PDE4D: variants seen among roughly 807,000 people sequenced by gnomAD.
PDE4D encodes phosphodiesterase 4D.
Under a neutral mutation model 87.4 loss-of-function variants are expected in PDE4D, and 24 were observed. The observed-to-expected ratio is 0.27, with a 90% CI of 0.20 to 0.39. The LOEUF is 0.39. PDE4D is among the 10% of genes least tolerant of loss of function. The pLI, the probability that PDE4D is intolerant of heterozygous loss-of-function variation, is 1.00. For missense variants in PDE4D, 714 were observed against 1,041.0 expected (o/e 0.69, Z 4.32); for synonymous variants, 384 against 383.2 (o/e 1.00, Z -0.02).
chr5:59,772,839 T>C (rs749374205), intron 1 of PDE4D, among the ~76,000 whole-genome samples: 6 of 152,212 alleles, frequency 3.9e-5, no homozygotes, highest in Non-Finnish European at 5.9e-5. Flanking sequence ...GTCTACTGGA[T>C]AAGAAGGTAT....
At chr5:59,194,373 C>T (rs999807841) in intron 2 of PDE4D, among the ~76,000 whole-genome samples, 2 of 152,266 alleles carry the variant, frequency 1.3e-5, no homozygotes, top group African/African-American at 4.8e-5. Context: ...TGTTATTCAA[C>T]ACAGACAGCT....
chr5:60,080,340 A>G (rs371018441), intron 2 of PDE4D, among the ~76,000 whole-genome samples: 1 of 152,232 alleles, frequency 6.6e-6, no homozygotes, highest in East Asian at 1.9e-4. Context: ...AGACAATTTG[A>G]CTTTCTCTCT....
chr5:59,124,506 C>T (rs1775078405), intron 5 of PDE4D, among the ~76,000 whole-genome samples: 1 of 152,180 alleles, frequency 6.6e-6, no homozygotes, highest in Admixed American at 6.5e-5. Context: ...TACCTAGCCT[C>T]CCTCTTTGAG....
chr5:60,298,803 A>G (rs1316310151), intron 1 of PDE4D, among the ~76,000 whole-genome samples: 1 of 152,218 alleles, frequency 6.6e-6, no homozygotes, highest in Non-Finnish European at 1.5e-5. Flanking sequence ...AGTGGCATAA[A>G]AGAAATTCTT....
intron 1 of PDE4D, among the ~76,000 whole-genome samples, chr5:59,644,317 A>T (rs1742104183): frequency 6.6e-6 from 1 of 152,170 alleles, no homozygotes; most frequent in Admixed American, 6.5e-5. Context: ...TGGATTATTG[A>T]TCTACAGTTA....
In PDE4D at chr5:59,544,183, A is replaced by C. The variant is rs116480127; in HGVS notation, c.456-328215T>G. Among the ~76,000 whole-genome samples, 50 of 152,298 alleles carry C rather than the reference A, an allele frequency of 3.3e-4. 1 individual carries two copies. The highest frequency in any genetic ancestry group is 1.2e-3 in the African/African-American group (49 of 41,566). On this transcript the variant is annotated intron_variant, in intron 1 of 14. Transcript: ENST00000340635. The stretch of plus-strand genomic sequence containing the variant: ...GCAAGGAAAACTAGGTACAAGGAAA[A>C]GGCAACTGGCAACACATTCCTGGAT...
At chr5:60,469,506 C>T (rs1462995317) in intron 1 of PDE4D, among the ~76,000 whole-genome samples, 1 of 152,166 alleles carries the variant, frequency 6.6e-6, no homozygotes, top group Non-Finnish European at 1.5e-5. Context: ...TGTTTTATTG[C>T]ACTTTGCTTT....
chr5:60,499,998 A>G (rs907802045), intron 1 of PDE4D, among the ~76,000 whole-genome samples: 26 of 152,020 alleles, frequency 1.7e-4, no homozygotes, highest in African/African-American at 5.8e-4. Context: ...TTTTTTCTCC[A>G]AATATGATCA....
intron 2 of PDE4D, among the ~76,000 whole-genome samples, chr5:60,049,371 A>G (rs192880131): frequency 9.2e-5 from 14 of 152,284 alleles, no homozygotes; most frequent in African/African-American, 3.4e-4. Flanking sequence ...CAGCTCATCA[A>G]AGTCATTCTC....
chr5:60,188,615 G>A (rs746395798), intron 1 of PDE4D, among the ~76,000 whole-genome samples: 4 of 152,060 alleles, frequency 2.6e-5, no homozygotes, highest in Non-Finnish European at 4.4e-5. Context: ...GAGGGGAAAT[G>A]GTAGATGTGC....
chr5:59,674,975 A>C (rs1490142124), intron 1 of PDE4D, among the ~76,000 whole-genome samples: 1 of 152,216 alleles, frequency 6.6e-6, no homozygotes, highest in Non-Finnish European at 1.5e-5. Context: ...AAATCATGGC[A>C]TACATGCGTC....
chr5:60,105,942 G>A lies in PDE4D; in HGVS notation c.42+79615C>T, dbSNP rs116966329. Among the ~76,000 whole-genome samples the A allele has an allele frequency of 2.8e-4, 42 of 152,304 alleles. No homozygotes were observed. The East Asian group carries it at 6.6e-3, about 24-fold the overall frequency. The stretch of plus-strand genomic sequence containing the variant: ...AGACCATCGATGCTAGGAAGAGACC[G>A]CATCAACTAATGAGCAAAATAACCA... On this transcript the variant is annotated intron_variant, in intron 2 of 16. Coordinates refer to the PDE4D transcript ENST00000502484.
rs575065386 is a variant in PDE4D, at chr5:59,902,431, T to C, written c.272+86057A>G. 3.3e-5 allele frequency among the ~76,000 whole-genome samples: 5 copies of C among 152,222 alleles called. No homozygotes were observed. In the South Asian group the frequency reaches 1.0e-3, roughly 32 times the overall value. On this transcript the variant is annotated intron_variant, in intron 3 of 16. Coordinates refer to the PDE4D transcript ENST00000502484. ...GGACCATACTTACATAGCAAGATTT[T>C]AGAGGATACATACATATATGATTTT...
intron 1 of PDE4D, among the ~76,000 whole-genome samples, chr5:59,340,940 A>G (rs1326580477): frequency 6.6e-6 from 1 of 152,118 alleles, no homozygotes; most frequent in Non-Finnish European, 1.5e-5. Context: ...GCTGATGGAC[A>G]CTTAGATACA....
At chr5:58,983,870 A>C (rs1013309556) in intron 11 of PDE4D, among the ~76,000 whole-genome samples, 10 of 152,194 alleles carry the variant, frequency 6.6e-5, no homozygotes, top group African/African-American at 1.7e-4. Context: ...AACACACACA[A>C]AGAAGGAATA....
chr5:60,071,335 A>T lies in PDE4D; in HGVS notation c.43-82618T>A, dbSNP rs527692098. Among the ~76,000 whole-genome samples, 86 of 152,136 alleles carry T rather than the reference A, an allele frequency of 5.7e-4. 2 individuals are homozygous for T. The highest frequency in any genetic ancestry group is 8.8e-5 in the Non-Finnish European group (6 of 67,930). On this transcript the variant is annotated intron_variant, in intron 2 of 16. Transcript: ENST00000502484. ...TTAATTTCTTTAGCAAATGGGATGC[A>T]TTCTTTAATTGGTGCACACAGCCAT...
intron 5 of PDE4D, among the ~76,000 whole-genome samples, chr5:59,120,604 C>A (rs1774323674): frequency 6.6e-6 from 1 of 152,002 alleles, no homozygotes; most frequent in African/African-American, 2.4e-5. Context: ...TATTGTACTG[C>A]TCAAAGCAAT....
chr5:59,314,228 C>A (rs562499671), intron 1 of PDE4D: 2 of 152,096 alleles, frequency 1.3e-5, no homozygotes, highest in East Asian at 3.9e-4. Flanking sequence ...ACTTATTCAA[C>A]CCCCTCACTT....
At chr5:59,114,989 A>G (rs1441681330) in intron 5 of PDE4D, among the ~76,000 whole-genome samples, 2 of 152,272 alleles carry the variant, frequency 1.3e-5, no homozygotes, top group East Asian at 3.9e-4. Context: ...AGGATCAAAG[A>G]GGAAGGGAAT....
Sources: allele counts gnomAD v4.1 joint callset (sites outside exome capture counted in the v4.1 genomes callset), GRCh38; gene constraint gnomAD v4.1.1; transcripts MANE v1.5; gene names NCBI Gene and HGNC (gene_info 2026-07-23, HGNC 2026-07-21).